The following STARD3NL variants were observed in gnomAD, a reference collection of about 807,000 sequenced individuals.
STARD3NL encodes the protein STARD3 N-terminal like.
In STARD3NL, 17 loss-of-function variants were observed where a neutral mutation model predicts 30.9. The ratio of observed to expected loss-of-function variants is 0.55; its 90% CI spans 0.38 to 0.82. STARD3NL has a LOEUF of 0.82. STARD3NL is among the 40% of genes least tolerant of loss of function. The pLI, the probability that STARD3NL is intolerant of heterozygous loss-of-function variation, is 0.00. For synonymous variants in STARD3NL, 112 were observed against 100.5 expected (o/e 1.11, Z -0.69); for missense variants, 234 against 277.6 (o/e 0.84, Z 1.12).
rs1367526103 is a variant in STARD3NL at position 38,207,732 on chromosome 7, A to G, written c.225+3A>G. 1 of 1,612,600 alleles carries G rather than the reference A, an allele frequency of 6.2e-7. No individual in the cohort carries two copies. The highest frequency in any genetic ancestry group is 8.5e-7 in the Non-Finnish European group (1 of 1,178,906). ...TACTGTGGATAATAGAGTTAAATGTAAGTTGGTGGTTCTTTCATAACTTTT... is the reference window on the plus strand; with the variant it reads ...TACTGTGGATAATAGAGTTAAATGTGAGTTGGTGGTTCTTTCATAACTTTT... On this transcript the variant is annotated splice_donor_region_variant and intron_variant, in intron 2 of 8. Coordinates refer to ENST00000009041, the MANE Select transcript of STARD3NL (RefSeq NM_032016.4).
intron 1 of STARD3NL, among the ~76,000 whole-genome samples, chr7:38,189,502 C>A (rs1156888354): frequency 6.6e-6 from 1 of 152,118 alleles, no homozygotes; most frequent in Admixed American, 6.5e-5. Context: ...GTGCAGGGAA[C>A]AAATGAAGGA....
At chr7:38,204,297 T>G (rs137879452) in intron 1 of STARD3NL, among the ~76,000 whole-genome samples, 4 of 152,236 alleles carry the variant, frequency 2.6e-5, no homozygotes, top group African/African-American at 4.8e-5. Flanking sequence ...CTCAGACCAC[T>G]GTGCAATCAA....
chr7:38,220,898 G>A (rs1186141624), intron 7 of STARD3NL, among the ~76,000 whole-genome samples: 2 of 152,130 alleles, frequency 1.3e-5, no homozygotes, highest in Non-Finnish European at 2.9e-5. Flanking sequence ...GAGCCCAGGA[G>A]CTCAAGACCA....
At chr7:38,225,721 C>T (rs920800247) in intron 7 of STARD3NL, among the ~76,000 whole-genome samples, 2 of 151,258 alleles carry the variant, frequency 1.3e-5, no homozygotes, top group African/African-American at 4.9e-5. Flanking sequence ...TGATTTGATA[C>T]TTTTTTTTTC....
At chr7:38,203,117 C>T (rs1336066429) in intron 1 of STARD3NL, among the ~76,000 whole-genome samples, 1 of 152,118 alleles carries the variant, frequency 6.6e-6, no homozygotes, top group African/African-American at 2.4e-5. Context: ...CATTCAAATT[C>T]AGGAAATACA....
At chr7:38,204,415 T>G (rs1434038048) in intron 1 of STARD3NL, among the ~76,000 whole-genome samples, 1 of 152,164 alleles carries the variant, frequency 6.6e-6, no homozygotes, top group Non-Finnish European at 1.5e-5. Context: ...AAGGCAGAAA[T>G]AAAGATGCTC....
At chr7:38,188,085 T>G (rs1784536940) in intron 1 of STARD3NL, among the ~76,000 whole-genome samples, 4 of 152,238 alleles carry the variant, frequency 2.6e-5, no homozygotes, top group Admixed American at 6.5e-5. Flanking sequence ...CTTCTTTGCT[T>G]CTTTCAGCAG....
At chr7:38,216,743 C>T in intron 4 of STARD3NL, 1 of 457,106 alleles carries the variant, frequency 2.2e-6, no homozygotes, top group Non-Finnish European at 3.9e-6. Flanking sequence ...GGAATTGTAC[C>T]TTCTGGTGGA....
At chr7:38,187,936 A>G (rs965262347) in intron 1 of STARD3NL, among the ~76,000 whole-genome samples, 24 of 152,214 alleles carry the variant, frequency 1.6e-4, no homozygotes, top group Admixed American at 1.4e-3. Context: ...CCCATGGCTA[A>G]TCTGTCGCCA....
At chr7:38,186,312 A>T (rs7787568) in intron 1 of STARD3NL, among the ~76,000 whole-genome samples, 1,745 of 152,046 alleles carry the variant, frequency 0.011, 43 homozygotes, top group African/African-American at 0.041. Flanking sequence ...GTATTGTGTG[A>T]TTTTTTAGGA....
At chr7:38,196,725 G>A (rs1229779996) in intron 1 of STARD3NL, among the ~76,000 whole-genome samples, 2 of 152,090 alleles carry the variant, frequency 1.3e-5, no homozygotes, top group African/African-American at 4.8e-5. Context: ...AATATTTTGA[G>A]ATGACTGGTT....
intron 1 of STARD3NL, among the ~76,000 whole-genome samples, chr7:38,181,736 A>G (rs1040148793): frequency 5.9e-5 from 9 of 152,116 alleles, no homozygotes; most frequent in Non-Finnish European, 8.8e-5. Context: ...GGCTATCTCT[A>G]TTCTTTAAGA....
chr7:38,191,339 T>A (rs1225701827), intron 1 of STARD3NL, among the ~76,000 whole-genome samples: 3 of 152,250 alleles, frequency 2.0e-5, no homozygotes, highest in African/African-American at 7.2e-5. Flanking sequence ...AATTCCAACA[T>A]TACTGTCATT....
chr7:38,192,344 A>G (rs1222644119), intron 1 of STARD3NL, among the ~76,000 whole-genome samples: 2 of 152,128 alleles, frequency 1.3e-5, no homozygotes, highest in Admixed American at 6.5e-5. Context: ...GGCATGATAG[A>G]TGTAATTATA....
At chr7:38,198,022 A>C (rs780394274) in intron 1 of STARD3NL, among the ~76,000 whole-genome samples, 1 of 152,338 alleles carries the variant, frequency 6.6e-6, no homozygotes, top group African/African-American at 2.4e-5. Flanking sequence ...GTCCCAGGAT[A>C]CAGTGGTCAC....
intron 1 of STARD3NL, among the ~76,000 whole-genome samples, chr7:38,190,461 G>A (rs1193235660): frequency 6.6e-6 from 1 of 152,154 alleles, no homozygotes; most frequent in Non-Finnish European, 1.5e-5. Flanking sequence ...TTGTGTGTAT[G>A]TGTGTATATA....
intron 2 of STARD3NL, among the ~76,000 whole-genome samples, chr7:38,214,104 T>G (rs1583816831): frequency 6.6e-6 from 1 of 152,222 alleles, no homozygotes; most frequent in Non-Finnish European, 1.5e-5. Flanking sequence ...ATTTTAATTT[T>G]CCCAACTATG....
intron 1 of STARD3NL, among the ~76,000 whole-genome samples, chr7:38,180,578 A>G (rs1784207160): frequency 6.6e-6 from 1 of 152,202 alleles, no homozygotes; most frequent in Admixed American, 6.5e-5. Context: ...ACTTGTGGCA[A>G]AGGAAAATAT....
chr7:38,213,224 G>A (rs1785910727), intron 2 of STARD3NL, among the ~76,000 whole-genome samples: 2 of 152,078 alleles, frequency 1.3e-5, no homozygotes, highest in African/African-American at 4.8e-5. Context: ...GAGACTAAAT[G>A]GTTGGGTGTC....
Sources: allele counts gnomAD v4.1 joint callset (sites outside exome capture counted in the v4.1 genomes callset), GRCh38; gene constraint gnomAD v4.1.1; transcripts MANE v1.5; gene names NCBI Gene and HGNC (gene_info 2026-07-23, HGNC 2026-07-21).